The following TACR1 variants were observed in gnomAD, a reference collection of about 807,000 sequenced individuals.
The protein encoded by TACR1 is tachykinin receptor 1.
Under a neutral mutation model 35.8 loss-of-function variants are expected in TACR1, and 25 were observed. The ratio of observed to expected loss-of-function variants is 0.70; its 90% CI spans 0.51 to 0.98. The LOEUF (loss-of-function observed/expected upper bound fraction) is 0.98, where lower values mean the gene tolerates loss of function less well. Among genes scored for constraint, TACR1 ranks in the 50% least tolerant of loss-of-function variants. The pLI is 0.00. For synonymous variants in TACR1, 195 were observed against 206.7 expected, an observed-to-expected ratio of 0.94 and a Z score of 0.48; for missense variants, 478 against 522.9, an observed-to-expected ratio of 0.91 and a Z score of 0.84.
intron 4 of TACR1, among the ~76,000 whole-genome samples, chr2:75,050,106 CAT>C (rs1309475262): frequency 2.0e-5 from 3 of 152,226 alleles, no homozygotes; most frequent in African/African-American, 4.8e-5. Flanking sequence ...GGTAAAAACA[CAT>C]ATCAAGATTC....
chr2:75,061,787 G>C (rs1672678193), intron 2 of TACR1, among the ~76,000 whole-genome samples: 1 of 152,210 alleles, frequency 6.6e-6, no homozygotes, highest in African/African-American at 2.4e-5. Context: ...TTCTGGTGGA[G>C]TCAATTCCCA....
At chr2:75,071,312 G>T (rs1202221857) in intron 2 of TACR1, among the ~76,000 whole-genome samples, 1 of 152,226 alleles carries the variant, frequency 6.6e-6, no homozygotes, top group African/African-American at 2.4e-5. Flanking sequence ...TGCCAATGCT[G>T]TGCCTTCACT....
chr2:75,067,133 C>G (rs1264593633), intron 2 of TACR1, among the ~76,000 whole-genome samples: 1 of 152,102 alleles, frequency 6.6e-6, no homozygotes, highest in East Asian at 1.9e-4. Context: ...TTAGCTAAGA[C>G]AGGGACTTTT....
intron 1 of TACR1, among the ~76,000 whole-genome samples, chr2:75,170,093 A>T (rs561176101): frequency 6.6e-6 from 1 of 152,168 alleles, no homozygotes; most frequent in Non-Finnish European, 1.5e-5. Flanking sequence ...AGAGAACCTA[A>T]TGCAGTGATA....
intron 1 of TACR1, among the ~76,000 whole-genome samples, chr2:75,171,817 C>A (rs749975927): frequency 1.1e-4 from 16 of 152,196 alleles, no homozygotes; most frequent in Non-Finnish European, 2.4e-4. Context: ...ATGCCTTTAT[C>A]CCCGTTGTAT....
chr2:75,154,468 GGAGATTCAGCACTAACCCACCACA>G (rs1674779118), intron 1 of TACR1: 1 of 55,956 alleles, frequency 1.8e-5, no homozygotes, highest in Admixed American at 2.4e-4. Flanking sequence ...GAAACCCAGT[GGAGATTCAGCACTAACCCACCACA>G]CACACACACA....
chr2:75,053,902 G>T, intron 2 of TACR1, 147 bp from the exon 3 acceptor site: 1 of 1,010,658 alleles, frequency 9.9e-7, no homozygotes, highest in Non-Finnish European at 1.5e-6. Flanking sequence ...GCCCACTCCA[G>T]GGAGACTTGT....
intron 1 of TACR1, among the ~76,000 whole-genome samples, chr2:75,132,258 C>T (rs1362295744): frequency 6.6e-6 from 1 of 152,188 alleles, no homozygotes; most frequent in Non-Finnish European, 1.5e-5. Flanking sequence ...AACCTGTCAA[C>T]TAAGACAACT....
chr2:75,057,771 G>C (rs768778369), intron 2 of TACR1, among the ~76,000 whole-genome samples: 1 of 152,140 alleles, frequency 6.6e-6, no homozygotes, highest in Non-Finnish European at 1.5e-5. Context: ...GAAAATTTCA[G>C]CTGTTACAGA....
intron 1 of TACR1, among the ~76,000 whole-genome samples, chr2:75,142,985 G>A (rs897391112): frequency 6.6e-6 from 1 of 152,176 alleles, no homozygotes; most frequent in African/African-American, 2.4e-5. Context: ...ATGCCAAGGA[G>A]GGGTCAGCTG....
At position 75,146,149 on chromosome 2, in the gene TACR1, G is replaced by A. The variant is rs775043202; in HGVS notation, c.390-25381C>T. Among the ~76,000 whole-genome samples the A allele has an allele frequency of 6.6e-5, 10 of 152,242 alleles. No homozygotes were observed. In the South Asian group the frequency reaches 8.3e-4, roughly 13 times the overall value. On this transcript the variant is annotated intron_variant, in intron 1 of 4. Transcript: ENST00000305249. ...TTTTTTTTCTATTTTTTCAGATGGT[G>A]TCTCTCTCTGTCGCCCAGTCTGGAG... is the stretch of plus-strand genomic sequence containing the variant.
At chr2:75,191,751 C>T (rs757787357) in intron 1 of TACR1, among the ~76,000 whole-genome samples, 2 of 152,150 alleles carry the variant, frequency 1.3e-5, no homozygotes, top group Non-Finnish European at 2.9e-5. Flanking sequence ...GTGTGCTATA[C>T]GGTCTGCTTG....
At chr2:75,145,173 A>G (rs570848412) in intron 1 of TACR1, among the ~76,000 whole-genome samples, 100 of 152,282 alleles carry the variant, frequency 6.6e-4, no homozygotes, top group African/African-American at 2.2e-3. Flanking sequence ...TTGGATGACT[A>G]AAAGACATTT....
At chr2:75,111,384 A>G (rs966887113) in intron 2 of TACR1, among the ~76,000 whole-genome samples, 3 of 152,028 alleles carry the variant, frequency 2.0e-5, no homozygotes, top group Non-Finnish European at 4.4e-5. Flanking sequence ...TGTTTTATGG[A>G]TAATACTTCT....
At chr2:75,067,553 G>A (rs543405537) in intron 2 of TACR1, among the ~76,000 whole-genome samples, 61 of 152,286 alleles carry the variant, frequency 4.0e-4, no homozygotes, top group South Asian at 4.1e-4. Flanking sequence ...AGATACATCA[G>A]CAAATAAATA....
intron 1 of TACR1, among the ~76,000 whole-genome samples, chr2:75,174,895 A>G (rs1041193956): frequency 2.0e-5 from 3 of 152,188 alleles, no homozygotes; most frequent in Admixed American, 1.3e-4. Flanking sequence ...CTCAGGCCCA[A>G]TTTCAGGGGC....
At chr2:75,162,082 G>C (rs563724968) in intron 1 of TACR1, among the ~76,000 whole-genome samples, 2 of 151,382 alleles carry the variant, frequency 1.3e-5, no homozygotes, top group Non-Finnish European at 2.9e-5. Flanking sequence ...TCTGTGTTGG[G>C]GGGAGGGGAA....
At chr2:75,091,201 CAAAAAAAAA>C (rs1184236584) in intron 2 of TACR1, among the ~76,000 whole-genome samples, 1 of 63,416 alleles carries the variant, frequency 1.6e-5, no homozygotes, top group Non-Finnish European at 3.2e-5. Flanking sequence ...CTCGTAGGTG[CAAAAAAAAA>C]AAAAAAAAAA....
At position 75,049,396 on chromosome 2, in the gene TACR1, G is replaced by A; in HGVS notation, c.*36C>T. On this transcript the variant is annotated 3_prime_UTR_variant, in exon 5 of 5. Coordinates refer to ENST00000305249, the MANE Select transcript of TACR1 (RefSeq NM_001058.4). The stretch of plus-strand genomic sequence containing the variant: ...CATGCATGAAGGGAGGCAGGTCAAA[G>A]GCAGTGGGGGCTGCACCTGCCAAAG... 1 of 1,585,156 alleles carries A rather than the reference G, an allele frequency of 6.3e-7. No individual in the cohort carries two copies. Among genetic ancestry groups the A allele is most frequent in the Non-Finnish European group, 8.6e-7 (1 of 1,161,402 alleles).
Sources: gnomAD v4.1 joint callset for allele counts (sites outside exome capture counted in the v4.1 genomes callset) on GRCh38, gnomAD v4.1.1 for gene constraint, MANE v1.5 for transcripts, NCBI Gene and HGNC (gene_info 2026-07-23, HGNC 2026-07-21) for gene names.